PACSIN1: variants seen among roughly 807,000 people sequenced by gnomAD.
PACSIN1 encodes the protein protein kinase C and casein kinase substrate in neurons protein 1.
PACSIN1 carries 15 observed loss-of-function variants against 59.5 expected under a neutral mutation model. That is an observed-to-expected ratio of 0.25 (90% CI 0.17 to 0.39). The LOEUF is 0.39. Ranked by LOEUF, PACSIN1 falls within the 10% of genes least tolerant of loss-of-function variation. The pLI, the probability that PACSIN1 is intolerant of heterozygous loss-of-function variation, is 1.00. For synonymous variants in PACSIN1, 210 were observed against 220.6 expected, an observed-to-expected ratio of 0.95 and a Z score of 0.42; for missense variants, 420 against 580.2, an observed-to-expected ratio of 0.72 and a Z score of 2.84.
In PACSIN1 at chr6:34,532,770, G is replaced by A. The variant is rs1209723277; in HGVS notation, c.*240G>A. 2 of 475,304 alleles carry A rather than the reference G, an allele frequency of 4.2e-6. No homozygotes were observed. Among genetic ancestry groups the A allele is most frequent in the South Asian group, 2.8e-5 (1 of 35,664 alleles). The allele number at this position is 475,304 out of a possible 1,614,324, so 29.4% of individuals were successfully genotyped here. A position where few individuals can be genotyped will look rare whatever the true frequency, so the allele number is the denominator to read the frequency against. ...GGGTAGGTAACAGTCTTAGGACTTA[G>A]CCCAACATCACAACATCTGCTCTTC... On this transcript the variant is annotated 3_prime_UTR_variant, in exon 10 of 10. Coordinates refer to ENST00000244458, the MANE Select transcript of PACSIN1 (RefSeq NM_020804.5). The surrounding 1 kb of genome is among the most constrained non-coding windows in gnomAD (Gnocchi z 5.2).
chr6:34,516,012 T>G lies in PACSIN1; in HGVS notation c.-63-10231T>G, dbSNP rs1767285294. On this transcript the variant is annotated intron_variant, in intron 1 of 9. Transcript: ENST00000244458. This position sits in a 1 kb window ranked among gnomAD's most constrained non-coding sequence, Gnocchi z 5.4. ...GGGCACACCTGGTCCAGTTTTGCCC[T>G]GAATGGAGCTGAGCCACCTTGGGTG... Among the ~76,000 whole-genome samples, 1 of 152,028 alleles carries G rather than the reference T, an allele frequency of 6.6e-6. No homozygotes were observed. The highest frequency in any genetic ancestry group is 1.5e-5 in the Non-Finnish European group (1 of 67,988).
intron 1 of PACSIN1, among the ~76,000 whole-genome samples, chr6:34,506,190 T>C (rs1485540368): frequency 6.6e-6 from 1 of 152,114 alleles, no homozygotes; most frequent in Non-Finnish European, 1.5e-5. Flanking sequence ...AAGTTGAGAT[T>C]TTCCTGGTTC....
In PACSIN1 at chr6:34,504,978, G is replaced by GTTA. The variant is rs765883996; in HGVS notation, c.-63-21244_-63-21242dup. Among the ~76,000 whole-genome samples, 171 of 151,054 alleles carry GTTA rather than the reference G, an allele frequency of 1.1e-3. 1 individual carries two copies. The highest frequency in any genetic ancestry group is 2.9e-3 in the African/African-American group (118 of 41,302). On this transcript the variant is annotated intron_variant, in intron 1 of 9. Coordinates refer to ENST00000244458, the MANE Select transcript of PACSIN1 (RefSeq NM_020804.5). ...AATCTGCTGTAATTTGTTTTTCCCT[G>GTTA]TTATTATTATTATTATTATTATTTT...
chr6:34,476,627 C>T (rs1028652580), intron 1 of PACSIN1, among the ~76,000 whole-genome samples: 4 of 152,320 alleles, frequency 2.6e-5, no homozygotes, highest in East Asian at 1.9e-4. Flanking sequence ...CTGCCTCTGC[C>T]GCCTTGCCAG....
intron 1 of PACSIN1, among the ~76,000 whole-genome samples, chr6:34,478,792 C>CT (rs1298260136): frequency 2.0e-5 from 3 of 152,186 alleles, no homozygotes; most frequent in Admixed American, 6.5e-5. Context: ...TTGTCTTAGT[C>CT]TTTTTTGTGT....
chr6:34,469,155 G>A (rs890383178), intron 1 of PACSIN1, among the ~76,000 whole-genome samples: 1 of 152,118 alleles, frequency 6.6e-6, no homozygotes, highest in Non-Finnish European at 1.5e-5. Context: ...GGAACCAGGT[G>A]GAGGGGTTGG....
Position 34,533,039 on chromosome 6 carries a change from C to G in PACSIN1, c.*509C>G, listed in dbSNP as rs1581990748. ...CCCCATCTTTAGTTTTCCACTCTGC[C>G]CCGGGGAGCACCCTTCTACTCCTAG... On this transcript the variant is annotated 3_prime_UTR_variant, in exon 10 of 10. Transcript: ENST00000244458. 1 of 153,220 alleles carries G rather than the reference C, an allele frequency of 6.5e-6. No individual in the cohort carries two copies. Among genetic ancestry groups the G allele is most frequent in the Admixed American group, 6.5e-5 (1 of 15,384 alleles). 9.5% of individuals were successfully genotyped at this position (153,220 alleles called of 1,614,324 possible).
At position 34,505,085 on chromosome 6, in the gene PACSIN1, A is replaced by G. The variant is rs182673622; in HGVS notation, c.-63-21158A>G. Among the ~76,000 whole-genome samples, 405 of 152,102 alleles carry G rather than the reference A, an allele frequency of 2.7e-3. 1 individual carries two copies. Among genetic ancestry groups the G allele is most frequent in the African/African-American group, 9.2e-3 (383 of 41,496 alleles). On this transcript the variant is annotated intron_variant, in intron 1 of 9. Transcript: ENST00000244458. ...ACTGCAGCCTTGAGCTCTTGGGCTC[A>G]AGTAATCCTTGGCCCCAGGAGGCCT...
Position 34,515,482 on chromosome 6 carries a change from G to A in PACSIN1, c.-63-10761G>A, listed in dbSNP as rs3800468. On this transcript the variant is annotated intron_variant, in intron 1 of 9. Coordinates refer to ENST00000244458, the MANE Select transcript of PACSIN1 (RefSeq NM_020804.5). The surrounding 1 kb of genome is among the most constrained non-coding windows in gnomAD (Gnocchi z 4.4). ...CCTGCCCCACTCAAGGCACTGCTAG[G>A]CTCTGGCCATTTGGGATAAGCAGAC... Among the ~76,000 whole-genome samples, 1,923 of 152,196 alleles carry A rather than the reference G, an allele frequency of 0.013. 81 individuals carry two copies. In the East Asian group the frequency reaches 0.13, roughly 10 times the overall value.
At chr6:34,467,242 GC>G (rs1766509069) in intron 1 of PACSIN1, among the ~76,000 whole-genome samples, 1 of 152,110 alleles carries the variant, frequency 6.6e-6, no homozygotes, top group South Asian at 2.1e-4. Context: ...TGAGATCCTT[GC>G]CCCCTGCCCT....
chr6:34,527,596 A>G, intron 3 of PACSIN1, 108 bp downstream of exon 3: 1 of 1,006,644 alleles, frequency 9.9e-7, no homozygotes, highest in Non-Finnish European at 1.4e-6. Flanking sequence ...TCCATCTACC[A>G]GACACAGGAC....
At chr6:34,528,907 T>TGGGGCCGGGGGGGGGGG in intron 4 of PACSIN1, 30 bp downstream of exon 4, 4 of 250,410 alleles carry the variant, frequency 1.6e-5, no homozygotes, top group East Asian at 8.8e-5. Flanking sequence ...ACGGGCGGGG[T>TGGGGCCGGGGGGGGGGG]GGGGTGGGCC....
At chr6:34,470,175 CTAT>C (rs200734893) in intron 1 of PACSIN1, among the ~76,000 whole-genome samples, 2 of 151,534 alleles carry the variant, frequency 1.3e-5, no homozygotes, top group African/African-American at 2.4e-5. Context: ...GAGGCCTTGG[CTAT>C]TATTATTATT....
chr6:34,469,324 C>T (rs1766539662), intron 1 of PACSIN1, among the ~76,000 whole-genome samples: 1 of 152,116 alleles, frequency 6.6e-6, no homozygotes, highest in Non-Finnish European at 1.5e-5. Flanking sequence ...GAAGGAAGCC[C>T]ATTAGCCACA....
In PACSIN1 at chr6:34,476,662, T is replaced by C. The variant is rs115840034; in HGVS notation, c.-64+10392T>C. ...GCCCCTTGTCATTGGCCCTGACAGCTGGGTGGGCCTTTCTGCCAGCCCCAG... is the reference window on the plus strand; with the variant it reads ...GCCCCTTGTCATTGGCCCTGACAGCCGGGTGGGCCTTTCTGCCAGCCCCAG... On this transcript the variant is annotated intron_variant, in intron 1 of 9. Coordinates refer to ENST00000244458, the MANE Select transcript of PACSIN1 (RefSeq NM_020804.5). 7.9e-3 allele frequency among the ~76,000 whole-genome samples: 1,204 copies of C among 152,318 alleles called. 12 individuals carry two copies. Among genetic ancestry groups the C allele is most frequent in the African/African-American group, 0.027 (1,103 of 41,572 alleles).
chr6:34,512,488 C>T lies in PACSIN1; in HGVS notation c.-63-13755C>T, dbSNP rs538775583. On this transcript the variant is annotated intron_variant, in intron 1 of 9. Transcript: ENST00000244458. ...TACAGCACCTGGGAACTCAATCCCTCCCTGTCCCCCAGCTGAGGCCTCCTC... is the reference window on the plus strand; with the variant it reads ...TACAGCACCTGGGAACTCAATCCCTTCCTGTCCCCCAGCTGAGGCCTCCTC... Among the ~76,000 whole-genome samples, 127 of 152,288 alleles carry T rather than the reference C, an allele frequency of 8.3e-4. No individual in the cohort carries two copies. In the South Asian group the frequency reaches 8.5e-3, roughly 10 times the overall value.
At chr6:34,477,916 C>CTT (rs67088426) in intron 1 of PACSIN1, among the ~76,000 whole-genome samples, 15 of 113,200 alleles carry the variant, frequency 1.3e-4, no homozygotes, top group Non-Finnish European at 1.9e-4. Flanking sequence ...GCCTGGCCAT[C>CTT]TTTTTTTTTT....
intron 1 of PACSIN1, among the ~76,000 whole-genome samples, chr6:34,487,415 T>C (rs1317876509): frequency 6.6e-6 from 1 of 152,216 alleles, no homozygotes; most frequent in African/African-American, 2.4e-5. Context: ...GCTCTGTCTG[T>C]GAGAGTCCCC....
chr6:34,487,397 T>C (rs73746652), intron 1 of PACSIN1, among the ~76,000 whole-genome samples: 4,157 of 152,286 alleles, frequency 0.027, 136 homozygotes, highest in African/African-American at 0.077. Flanking sequence ...TGCTGTTTGG[T>C]GCTCAGTGCT....
Sources: allele counts gnomAD v4.1 joint callset (sites outside exome capture counted in the v4.1 genomes callset), GRCh38; gene constraint gnomAD v4.1.1; non-coding constraint Gnocchi (gnomAD v3.1); transcripts MANE v1.5; gene names NCBI Gene and HGNC (gene_info 2026-07-23, HGNC 2026-07-21).